Variants in SGCE observed in about 807,000 individuals in gnomAD.
The protein encoded by SGCE is epsilon-sarcoglycan.
SGCE carries 26 observed loss-of-function variants against 57.8 expected under a neutral mutation model. The ratio of observed to expected loss-of-function variants is 0.45; its 90% CI spans 0.33 to 0.62. The LOEUF (loss-of-function observed/expected upper bound fraction) is 0.62, where lower values mean the gene tolerates loss of function less well. SGCE is among the 20% of genes least tolerant of loss of function. The probability of loss-of-function intolerance (pLI) is 0.02; values close to 1 mark genes in which losing one functional copy is unlikely to be tolerated. For missense variants in SGCE, 468 were observed against 548.6 expected, an observed-to-expected ratio of 0.85 and a Z score of 1.47; for synonymous variants, 183 against 189.5, an observed-to-expected ratio of 0.97 and a Z score of 0.28.
In SGCE at chr7:94,603,327, C is replaced by A. The variant is rs375899729; in HGVS notation, c.788G>T (p.Arg263Leu). 6.8e-6 allele frequency: 11 copies of A among 1,612,454 alleles called. No homozygotes were observed. Among genetic ancestry groups the A allele is most frequent in the Non-Finnish European group, 5.1e-6 (6 of 1,179,088 alleles). The change falls in exon 6 of 11, where the codon CGT becomes CTT. Residue 263 changes from arginine (R) to leucine (L), a missense_variant. By Grantham distance (102) the Arg-to-Leu change is moderately radical. Transcript: ENST00000648936. ...EPVITCDKKF[R>L]TQFYIDWCKI... ...GCACCAGTCAATGTAAAATTGAGTA[C>A]GAAATTTTTTATCACATGTTATTAC...
chr7:94,585,813 T>A (rs1796811432), intron 10 of SGCE, among the ~76,000 whole-genome samples: 1 of 152,044 alleles, frequency 6.6e-6, no homozygotes, highest in African/African-American at 2.4e-5. Flanking sequence ...AACTGCAGGA[T>A]GTATAACTGT....
intron 1 of SGCE, among the ~76,000 whole-genome samples, chr7:94,645,178 C>T (rs1440295672): frequency 6.6e-6 from 1 of 152,144 alleles, no homozygotes; most frequent in Non-Finnish European, 1.5e-5. Flanking sequence ...TCATGCATTG[C>T]TTAATAATGG....
intron 10 of SGCE, among the ~76,000 whole-genome samples, chr7:94,586,354 A>T (rs949218867): frequency 6.6e-6 from 1 of 152,200 alleles, no homozygotes; most frequent in Admixed American, 6.5e-5. Context: ...TATAAACAGC[A>T]CTAAATCCAT....
At chr7:94,632,968 T>G (rs536062802) in intron 1 of SGCE, among the ~76,000 whole-genome samples, 4 of 152,098 alleles carry the variant, frequency 2.6e-5, no homozygotes, top group Admixed American at 1.3e-4. Context: ...ACCATAAGCT[T>G]AAAGCATGTT....
At chr7:94,602,419 CT>C (rs1364739357) in intron 6 of SGCE, among the ~76,000 whole-genome samples, 3 of 152,150 alleles carry the variant, frequency 2.0e-5, no homozygotes, top group South Asian at 2.1e-4. Flanking sequence ...AGCTGGCTCT[CT>C]AAGACATGAA....
intron 1 of SGCE, among the ~76,000 whole-genome samples, chr7:94,643,899 G>T (rs17166402): frequency 0.13 from 19,463 of 152,082 alleles, 1,501 homozygotes; most frequent in South Asian, 0.25. Flanking sequence ...TTTAAAATAT[G>T]TATCCTACCT....
intron 4 of SGCE, among the ~76,000 whole-genome samples, chr7:94,623,119 CCTAT>C (rs1803080869): frequency 6.6e-6 from 1 of 152,020 alleles, no homozygotes; most frequent in Non-Finnish European, 1.5e-5. Flanking sequence ...TGTTTGGCTT[CCTAT>C]CTGAGTTTTC....
intron 9 of SGCE, chr7:94,597,273 C>T (rs1798539517): frequency 6.6e-6 from 1 of 152,100 alleles, no homozygotes; most frequent in Non-Finnish European, 1.5e-5. Flanking sequence ...TACACACATG[C>T]ACATAAACAG....
chr7:94,586,804 CA>C (rs1796972296), intron 10 of SGCE: 1 of 984,252 alleles, frequency 1.0e-6, no homozygotes, highest in South Asian at 4.7e-5. Context: ...ACCCAGCCTC[CA>C]TTTAGTTTTA....
rs192492899 is a variant in SGCE, at chr7:94,592,385, G to A, written c.1254-3653C>T. 1.5e-3 allele frequency among the ~76,000 whole-genome samples: 223 copies of A among 152,234 alleles called. 2 individuals carry two copies. The highest frequency in any genetic ancestry group is 1.9e-3 in the Non-Finnish European group (132 of 68,008). ...AAAGGCAATTATACAGGAGCGGGGG[G>A]TCGACTTCAAATAGAGGCCCTATAA... On this transcript the variant is annotated intron_variant, in intron 9 of 10. Coordinates refer to ENST00000648936, the MANE Select transcript of SGCE (RefSeq NM_003919.3).
At chr7:94,634,301 T>C (rs1486767730) in intron 1 of SGCE, among the ~76,000 whole-genome samples, 2 of 152,180 alleles carry the variant, frequency 1.3e-5, no homozygotes, top group Admixed American at 1.3e-4. Context: ...GTTGATTCTT[T>C]TTCATGATGG....
At chr7:94,654,897 A>C (rs527260559) in intron 1 of SGCE, among the ~76,000 whole-genome samples, 1 of 152,324 alleles carries the variant, frequency 6.6e-6, no homozygotes, top group South Asian at 2.1e-4. Context: ...AACTTGTTTT[A>C]CTAAGATCAT....
chr7:94,647,830 A>T (rs1178610312), intron 1 of SGCE, among the ~76,000 whole-genome samples: 1 of 152,186 alleles, frequency 6.6e-6, no homozygotes, highest in Non-Finnish European at 1.5e-5. Flanking sequence ...TCCTTGGAAG[A>T]GCCTTCCTTA....
intron 5 of SGCE, among the ~76,000 whole-genome samples, chr7:94,613,575 A>C (rs1471607392): frequency 6.6e-6 from 1 of 152,146 alleles, no homozygotes; most frequent in African/African-American, 2.4e-5. Context: ...TTATCCCAAC[A>C]ATTCAATTTC....
At chr7:94,652,052 G>A (rs1490764511) in intron 1 of SGCE, among the ~76,000 whole-genome samples, 1 of 152,066 alleles carries the variant, frequency 6.6e-6, no homozygotes, top group Admixed American at 6.5e-5. Context: ...AATGGAGTGT[G>A]CGTTAGTCTA....
intron 3 of SGCE, chr7:94,625,642 C>T (rs1313745445): frequency 6.6e-6 from 1 of 152,022 alleles, no homozygotes; most frequent in Non-Finnish European, 1.5e-5. Flanking sequence ...AAATGGCAAA[C>T]TATTACAGGT....
chr7:94,619,907 G>T (rs1009765317), intron 4 of SGCE: 16 of 152,112 alleles, frequency 1.1e-4, no homozygotes, highest in African/African-American at 3.6e-4. Flanking sequence ...TATATAAGGT[G>T]CTCAGCAGAG....
At chr7:94,587,161 A>G in intron 10 of SGCE, 2 of 984,712 alleles carry the variant, frequency 2.0e-6, no homozygotes, top group South Asian at 4.7e-5. Context: ...TTTGGCTCTT[A>G]TATTTGTTTA....
chr7:94,591,751 T>C (rs983380742), intron 9 of SGCE, among the ~76,000 whole-genome samples: 11 of 151,696 alleles, frequency 7.3e-5, no homozygotes, highest in Non-Finnish European at 1.3e-4. Flanking sequence ...TTTTGCTACA[T>C]TGCTAAACTT....
Sources: allele counts gnomAD v4.1 joint callset (sites outside exome capture counted in the v4.1 genomes callset), GRCh38; gene constraint gnomAD v4.1.1; transcripts MANE v1.5; gene names NCBI Gene and HGNC (gene_info 2026-07-23, HGNC 2026-07-21).